The following GOLGA3 variants were observed in gnomAD, a reference collection of about 807,000 sequenced individuals.
The protein encoded by GOLGA3 is golgin subfamily A member 3.
A neutral mutation model predicts 169.4 loss-of-function variants in GOLGA3; 75 were observed. The observed-to-expected ratio is 0.44, with a 90% CI of 0.37 to 0.54. The LOEUF (loss-of-function observed/expected upper bound fraction) is 0.54, where lower values mean the gene tolerates loss of function less well. GOLGA3 is among the 20% of genes least tolerant of loss of function. The pLI is 0.00. For missense variants in GOLGA3, 1,899 were observed against 1,930.0 expected, an observed-to-expected ratio of 0.98 and a Z score of 0.30; for synonymous variants, 824 against 822.4, an observed-to-expected ratio of 1.00 and a Z score of -0.03.
chr12:132,806,000 A>G lies in GOLGA3; in HGVS notation c.1291-978T>C, dbSNP rs190600420. On this transcript the variant is annotated intron_variant, in intron 6 of 23. Coordinates refer to ENST00000450791, the MANE Select transcript of GOLGA3 (RefSeq NM_001389683.1). ...GGACACAGCACAGTCCTGAGTGGCC[A>G]CCGCAGTGCTGTGTGGTCCCAGGAG... Among the ~76,000 whole-genome samples the G allele has an allele frequency of 3.3e-3, 507 of 152,346 alleles. 4 individuals are homozygous for G. The highest frequency in any genetic ancestry group is 0.012 in the African/African-American group (485 of 41,582).
Position 132,776,467 on chromosome 12 carries a change from C to T in GOLGA3, c.3978+167G>A, listed in dbSNP as rs1165378444. ...TCCCGCCTGTACCCAGCGCCTCACA[C>T]ACAGGTACCCGCAGCAGCTGCTGTA... is the stretch of plus-strand genomic sequence containing the variant. On this transcript the variant is annotated intron_variant, in intron 21 of 23. Coordinates refer to ENST00000450791, the MANE Select transcript of GOLGA3 (RefSeq NM_001389683.1). Among the ~76,000 whole-genome samples the T allele has an allele frequency of 6.9e-6, 1 of 144,576 alleles. No homozygotes were observed. The highest frequency in any genetic ancestry group is 1.5e-5 in the Non-Finnish European group (1 of 66,850). 94.8% of individuals were successfully genotyped at this position (144,576 alleles called of 152,430 possible). A position where few individuals can be genotyped will look rare whatever the true frequency, so the allele number is the denominator to read the frequency against.
At chr12:132,828,520 G>C (rs1474872897) in intron 1 of GOLGA3, 1 of 152,444 alleles carries the variant, frequency 6.6e-6, no homozygotes, top group Admixed American at 6.5e-5. Flanking sequence ...GCAGTGGACA[G>C]CTTCGGGACA....
intron 17 of GOLGA3, among the ~76,000 whole-genome samples, chr12:132,782,016 A>T (rs1032982569): frequency 1.3e-5 from 2 of 151,814 alleles, no homozygotes; most frequent in African/African-American, 4.8e-5. Flanking sequence ...CTCCAGCCTC[A>T]CCTCAGAGAG....
intron 4 of GOLGA3, 152 bp from the exon 5 acceptor site, chr12:132,808,701 C>T: frequency 2.9e-6 from 2 of 694,128 alleles, no homozygotes; most frequent in Admixed American, 5.0e-5. Context: ...CAGGGTGCGG[C>T]CAGGCCTCCG....
intron 2 of GOLGA3, among the ~76,000 whole-genome samples, chr12:132,821,083 G>T (rs1307426678): frequency 9.4e-6 from 1 of 106,128 alleles, no homozygotes; most frequent in Non-Finnish European, 1.7e-5. Context: ...CTGGGCGACA[G>T]AACAGGACAC....
In GOLGA3 at chr12:132,780,287, T is replaced by C. The variant is rs557495035; in HGVS notation, c.3582+511A>G. ...TGCTCTGTGCCAGGTATGGCGGAGG[T>C]AGCCAGCAAGCAGCAGCGTTCTAAC... On this transcript the variant is annotated intron_variant, in intron 18 of 23. Transcript: ENST00000450791. 1.7e-4 allele frequency among the ~76,000 whole-genome samples: 26 copies of C among 151,494 alleles called. 1 individual carries two copies. Among genetic ancestry groups the C allele is most frequent in the Middle Eastern group, 3.4e-3 (1 of 292 alleles).
At chr12:132,805,621 A>G (rs141331306) in intron 6 of GOLGA3, among the ~76,000 whole-genome samples, 2,101 of 79,172 alleles carry the variant, frequency 0.027, 9 homozygotes, top group Middle Eastern at 0.11. Flanking sequence ...GGCCTGACAG[A>G]GGACCCCGAG....
At chr12:132,787,686 G>T (rs552582805) in intron 13 of GOLGA3, among the ~76,000 whole-genome samples, 1 of 59,312 alleles carries the variant, frequency 1.7e-5, no homozygotes, top group African/African-American at 7.1e-5. Flanking sequence ...CGGAGACCCC[G>T]GGACCCCTCC....
At chr12:132,783,912 T>C (rs777545893) in intron 16 of GOLGA3, 46 of 1,431,246 alleles carry the variant, frequency 3.2e-5, no homozygotes, top group Admixed American at 8.7e-5. Context: ...GCATTTGAAC[T>C]GAGAAGGGTT....
At chr12:132,783,919 G>A in intron 16 of GOLGA3, 1 of 1,433,210 alleles carries the variant, frequency 7.0e-7, no homozygotes, top group Non-Finnish European at 9.1e-7. Flanking sequence ...AACTGAGAAG[G>A]GTTCCACTAT....
At position 132,777,161 on chromosome 12, in the gene GOLGA3, ATGC is replaced by A; in HGVS notation, c.3723-74_3723-72del. On this transcript the variant is annotated intron_variant, in intron 19 of 23. Transcript: ENST00000450791. This position sits in a 1 kb window ranked among gnomAD's most constrained non-coding sequence, Gnocchi z 4.7. ...GTGTGCTGTGCCCTCCCGCTGGGAA[ATGC>A]TGCCTGTGGAAGGCGTTCGTCCTGG... The A allele has an allele frequency of 6.7e-7, 1 of 1,499,250 alleles. No homozygotes were observed. The highest frequency in any genetic ancestry group is 8.9e-7 in the Non-Finnish European group (1 of 1,117,328). 92.9% of individuals were successfully genotyped at this position (1,499,250 alleles called of 1,614,324 possible).
intron 7 of GOLGA3, 120 bp from the exon 8 acceptor site, chr12:132,802,089 G>A (rs907826276): frequency 4.0e-6 from 3 of 742,780 alleles, no homozygotes; most frequent in Non-Finnish European, 6.7e-6. Context: ...GTCAGTTCCG[G>A]TTATTCCCCA....
chr12:132,796,205 G>C lies in GOLGA3; in HGVS notation c.2116C>G (p.Leu706Val), dbSNP rs762023537. The C allele has an allele frequency of 1.9e-6, 3 of 1,590,486 alleles. No individual in the cohort carries two copies. The highest frequency in any genetic ancestry group is 2.6e-6 in the Non-Finnish European group (3 of 1,164,682). Residue 706 changes from leucine (L) to valine (V), a missense_variant, in exon 11 of 24, where the codon CTC becomes GTC. Coordinates refer to ENST00000450791, the MANE Select transcript of GOLGA3 (RefSeq NM_001389683.1). ...QQLEQVKLTL[L>V]QRDQQLEALQ... is the part of the protein sequence containing the mutation. Reference sequence around the variant, plus strand: ...GCCTCAAGCTGCTGGTCTCGCTGGAGTAAAGTCAACTTCACCTGGAGAAGG... The same window carrying C: ...GCCTCAAGCTGCTGGTCTCGCTGGACTAAAGTCAACTTCACCTGGAGAAGG...
intron 8 of GOLGA3, among the ~76,000 whole-genome samples, chr12:132,801,099 G>A (rs1261951769): frequency 6.6e-6 from 1 of 152,258 alleles, no homozygotes; most frequent in East Asian, 1.9e-4. Context: ...GGCGTCTCCA[G>A]CACACGAAGC....
intron 5 of GOLGA3, 122 bp downstream of exon 5, chr12:132,807,769 G>A (rs1004431151): frequency 3.9e-5 from 2 of 51,092 alleles, no homozygotes; most frequent in African/African-American, 1.1e-4. Flanking sequence ...TGCCCACCCC[G>A]CCCCCTCTGT....
At position 132,789,135 on chromosome 12, in the gene GOLGA3, G is replaced by T. The variant is rs145515311; in HGVS notation, c.2703C>A (p.Leu901=). Residue 901 remains leucine, a synonymous_variant, in exon 13 of 24, where the codon CTC becomes CTA. Transcript: ENST00000450791. ...HGEKRTAEAE[L]SRLHREVAQV... ...GGGCCACCTCTCTGTGCAGGCGCGA[G>T]AGCTCCGCCTCGGCAGTCCGCTTCT... The T allele has an allele frequency of 1.8e-4, 297 of 1,613,236 alleles. 1 individual carries two copies. The East Asian group carries it at 5.9e-3, about 32-fold the overall frequency.
At chr12:132,815,850 G>C (rs1949931325) in intron 3 of GOLGA3, among the ~76,000 whole-genome samples, 1 of 152,190 alleles carries the variant, frequency 6.6e-6, no homozygotes, top group Admixed American at 6.5e-5. Context: ...AGTGAGCTCT[G>C]ACTCTGCCAC....
chr12:132,796,918 G>A (rs2242291), intron 9 of GOLGA3, among the ~76,000 whole-genome samples: 49,642 of 151,940 alleles, frequency 0.33, 8,518 homozygotes, highest in Middle Eastern at 0.49. Context: ...CAGCAACCCC[G>A]TGAGAAGGAC....
intron 8 of GOLGA3, 123 bp from the exon 9 acceptor site, chr12:132,798,600 G>C: frequency 2.0e-6 from 1 of 497,490 alleles, no homozygotes; most frequent in Non-Finnish European, 3.2e-6. Context: ...TCCCACGCAA[G>C]CCCCACTACC....
Sources: gnomAD v4.1 joint callset for allele counts (sites outside exome capture counted in the v4.1 genomes callset) on GRCh38, gnomAD v4.1.1 for gene constraint, Gnocchi (gnomAD v3.1) non-coding constraint, MANE v1.5 for transcripts, NCBI Gene and HGNC (gene_info 2026-07-23, HGNC 2026-07-21) for gene names.